Variants in PDSS1 observed in about 807,000 individuals in gnomAD.
PDSS1 encodes the protein all trans-polyprenyl-diphosphate synthase PDSS1.
In PDSS1, 43 loss-of-function variants were observed where a neutral mutation model predicts 57.5. The ratio of observed to expected loss-of-function variants is 0.75; its 90% CI spans 0.59 to 0.96. The LOEUF is 0.96. Ranked by LOEUF, PDSS1 falls within the 50% of genes least tolerant of loss-of-function variation. The pLI is 0.00. For missense variants in PDSS1, 438 were observed against 527.8 expected (o/e 0.83, Z 1.67); for synonymous variants, 175 against 191.3 (o/e 0.91, Z 0.70).
intron 3 of PDSS1, 101 bp from the exon 4 acceptor site, chr10:26,705,185 G>T (rs1249485231): frequency 2.8e-6 from 2 of 711,682 alleles, no homozygotes; most frequent in Non-Finnish European, 5.2e-6. Flanking sequence ...TTAATTTCTA[G>T]CAAATATTTG....
chr10:26,702,530 G>C (rs545594592), intron 2 of PDSS1, among the ~76,000 whole-genome samples: 1 of 152,288 alleles, frequency 6.6e-6, no homozygotes, highest in Admixed American at 6.5e-5. Flanking sequence ...GCCTAGTGAA[G>C]AAGGTGCCTT....
intron 4 of PDSS1, among the ~76,000 whole-genome samples, chr10:26,707,680 C>G (rs1835283397): frequency 6.6e-6 from 1 of 152,172 alleles, no homozygotes; most frequent in African/African-American, 2.4e-5. Context: ...CCCCTCCTCT[C>G]TCTCTTCCTT....
chr10:26,742,372 T>C, intron 10 of PDSS1, 125 bp from the exon 11 acceptor site: 1 of 750,358 alleles, frequency 1.3e-6, no homozygotes, highest in Non-Finnish European at 2.3e-6. Flanking sequence ...CCACATCATC[T>C]AGACACTTAG....
chr10:26,736,941 G>A (rs1836426899), intron 10 of PDSS1, among the ~76,000 whole-genome samples: 1 of 152,184 alleles, frequency 6.6e-6, no homozygotes, highest in South Asian at 2.1e-4. Flanking sequence ...AGCCATGTAG[G>A]TGTTATGCTG....
intron 5 of PDSS1, among the ~76,000 whole-genome samples, chr10:26,719,742 G>A (rs1410496625): frequency 1.3e-5 from 2 of 152,096 alleles, no homozygotes; most frequent in Non-Finnish European, 2.9e-5. Context: ...CTCCAGCCTG[G>A]GTGACAGAGC....
chr10:26,717,130 T>C (rs991363813), intron 5 of PDSS1, among the ~76,000 whole-genome samples: 3 of 152,228 alleles, frequency 2.0e-5, no homozygotes, highest in Non-Finnish European at 4.4e-5. Context: ...ATATGATGTA[T>C]ATTCTACGTA....
At chr10:26,742,438 C>A in intron 10 of PDSS1, 59 bp from the exon 11 acceptor site, 1 of 1,240,504 alleles carries the variant, frequency 8.1e-7, no homozygotes, top group Non-Finnish European at 1.2e-6. Flanking sequence ...TGTTAGAACA[C>A]TTGTTTCTCC....
chr10:26,744,954 AG>A (rs1836773986), intron 11 of PDSS1, among the ~76,000 whole-genome samples: 2 of 151,900 alleles, frequency 1.3e-5, no homozygotes, highest in Admixed American at 1.3e-4. Flanking sequence ...ACTTGAGGTC[AG>A]GAGTTTGAGA....
At position 26,731,116 on chromosome 10, in the gene PDSS1, C is replaced by T. The variant is rs1045361905; in HGVS notation, c.832-4124C>T. 2.6e-5 allele frequency among the ~76,000 whole-genome samples: 4 copies of T among 152,080 alleles called. 1 individual carries two copies. The highest frequency in any genetic ancestry group is 4.4e-5 in the Non-Finnish European group (3 of 68,028). ...CAGCACTTTGGGAGGCCAAAGCAGG[C>T]GGATCACTTGAGACCAGAGTTCAAG... On this transcript the variant is annotated intron_variant, in intron 8 of 11. Coordinates refer to ENST00000376215, the MANE Select transcript of PDSS1 (RefSeq NM_014317.5).
chr10:26,710,125 G>T (rs11015242), intron 5 of PDSS1, among the ~76,000 whole-genome samples: 2,470 of 38,238 alleles, frequency 0.065, 28 homozygotes, highest in Middle Eastern at 0.11. Flanking sequence ...TTGCACTCCA[G>T]CCTGGGCGAC....
intron 10 of PDSS1, among the ~76,000 whole-genome samples, chr10:26,736,425 T>C (rs147327834): frequency 3.1e-4 from 47 of 152,384 alleles, no homozygotes; most frequent in African/African-American, 1.1e-3. Flanking sequence ...CTCTTTGGTG[T>C]AAAATTATAG....
intron 5 of PDSS1, among the ~76,000 whole-genome samples, chr10:26,713,298 C>A (rs939744799): frequency 3.3e-5 from 5 of 151,934 alleles, no homozygotes; most frequent in East Asian, 1.9e-4. Flanking sequence ...CTCAAAAAAA[C>A]CAAACAAAAC....
intron 6 of PDSS1, among the ~76,000 whole-genome samples, chr10:26,722,744 C>A (rs549381382): frequency 6.6e-6 from 1 of 151,386 alleles, no homozygotes; most frequent in African/African-American, 2.4e-5. Flanking sequence ...TTTAAATATG[C>A]AAATTAATGT....
intron 10 of PDSS1, among the ~76,000 whole-genome samples, chr10:26,738,440 C>T (rs1178985193): frequency 1.3e-5 from 2 of 152,208 alleles, no homozygotes; most frequent in African/African-American, 4.8e-5. Context: ...ACTGGTAATG[C>T]TGAGAAGTTA....
At chr10:26,735,762 A>G (rs1836373929) in intron 10 of PDSS1, among the ~76,000 whole-genome samples, 183 bp downstream of exon 10, 1 of 152,186 alleles carries the variant, frequency 6.6e-6, no homozygotes, top group Non-Finnish European at 1.5e-5. Context: ...CACCTTGCTA[A>G]GACTGTTTCC....
chr10:26,712,229 G>A lies in PDSS1; in HGVS notation c.467+2461G>A, dbSNP rs1242723193. ...TTGGCCAGGCTGGTCTCGAACACCTGGCCTCAGGTGATTCACCGGCCTTGG... is the reference window on the plus strand; with the variant it reads ...TTGGCCAGGCTGGTCTCGAACACCTAGCCTCAGGTGATTCACCGGCCTTGG... On this transcript the variant is annotated intron_variant, in intron 5 of 11. Coordinates refer to ENST00000376215, the MANE Select transcript of PDSS1 (RefSeq NM_014317.5). Among the ~76,000 whole-genome samples the A allele has an allele frequency of 7.1e-5, 7 of 98,824 alleles. 3 individuals carry two copies. The highest frequency in any genetic ancestry group is 1.6e-4 in the Non-Finnish European group (7 of 42,496). The allele number at this position is 98,824 out of a possible 152,430, so 64.8% of individuals were successfully genotyped here.
At chr10:26,741,105 G>A (rs958230105) in intron 10 of PDSS1, among the ~76,000 whole-genome samples, 1 of 151,560 alleles carries the variant, frequency 6.6e-6, no homozygotes, top group African/African-American at 2.4e-5. Flanking sequence ...GGGTGGGCGG[G>A]AGGAGGTTGA....
intron 11 of PDSS1, among the ~76,000 whole-genome samples, chr10:26,743,766 C>T (rs930535946): frequency 1.3e-5 from 2 of 152,318 alleles, no homozygotes; most frequent in African/African-American, 2.4e-5. Context: ...AACAAATTCT[C>T]CAAAATTCTA....
chr10:26,720,404 C>T (rs769950262), intron 6 of PDSS1, 45 bp downstream of exon 6: 24 of 1,265,234 alleles, frequency 1.9e-5, no homozygotes, highest in East Asian at 1.2e-4. Context: ...CTGAATCACA[C>T]ACTTTTCGGA....
Sources: gnomAD v4.1 joint callset for allele counts (sites outside exome capture counted in the v4.1 genomes callset) on GRCh38, gnomAD v4.1.1 for gene constraint, MANE v1.5 for transcripts, NCBI Gene and HGNC (gene_info 2026-07-23, HGNC 2026-07-21) for gene names.